MAGI2: variants seen among roughly 807,000 people sequenced by gnomAD.
MAGI2 encodes membrane-associated guanylate kinase, WW and PDZ domain-containing protein 2.
In MAGI2, 35 loss-of-function variants were observed where a neutral mutation model predicts 133.3. The ratio of observed to expected loss-of-function variants is 0.26; its 90% CI spans 0.20 to 0.35. MAGI2 has a LOEUF of 0.35. Ranked by LOEUF, MAGI2 falls within the 10% of genes least tolerant of loss-of-function variation. The probability of loss-of-function intolerance (pLI) is 1.00; values close to 1 mark genes in which losing one functional copy is unlikely to be tolerated. For synonymous variants in MAGI2, 729 were observed against 710.6 expected (o/e 1.03, Z -0.41); for missense variants, 1,636 against 1,863.4 (o/e 0.88, Z 2.25).
intron 2 of MAGI2, among the ~76,000 whole-genome samples, chr7:78,766,311 C>T (rs1188851965): frequency 1.3e-5 from 2 of 152,230 alleles, no homozygotes; most frequent in Non-Finnish European, 2.9e-5. Context: ...CTTAAAGATG[C>T]CTGAACTGCT....
chr7:78,585,967 A>G (rs767222982), intron 3 of MAGI2, among the ~76,000 whole-genome samples: 31 of 152,220 alleles, frequency 2.0e-4, no homozygotes, highest in Non-Finnish European at 3.2e-4. Context: ...TCAATTCGTG[A>G]TAACATTCTG....
intron 2 of MAGI2, among the ~76,000 whole-genome samples, chr7:78,840,069 A>G (rs1275209571): frequency 6.6e-6 from 1 of 152,018 alleles, no homozygotes; most frequent in East Asian, 1.9e-4. Flanking sequence ...TTCAAGTAGT[A>G]ATTTTGTTTA....
At chr7:78,129,173 C>T (rs531633125) in intron 18 of MAGI2, among the ~76,000 whole-genome samples, 18 of 152,124 alleles carry the variant, frequency 1.2e-4, no homozygotes, top group Middle Eastern at 3.4e-3. Context: ...GTAAGAATTT[C>T]CCCCAAAGTA....
chr7:79,225,171 C>T (rs1433094477), intron 1 of MAGI2, among the ~76,000 whole-genome samples: 3 of 152,174 alleles, frequency 2.0e-5, no homozygotes, highest in African/African-American at 7.2e-5. Context: ...AGCTTTTCCA[C>T]CACCTGTGCA....
chr7:79,246,263 C>A (rs1366668285), intron 1 of MAGI2, among the ~76,000 whole-genome samples: 1 of 152,110 alleles, frequency 6.6e-6, no homozygotes, highest in Non-Finnish European at 1.5e-5. Context: ...CCACAAGCAT[C>A]AAGACCACCC....
At chr7:79,172,656 G>C (rs949914535) in intron 1 of MAGI2, among the ~76,000 whole-genome samples, 14 of 151,866 alleles carry the variant, frequency 9.2e-5, no homozygotes. Flanking sequence ...AATTAAAAAG[G>C]TATTTATGTA....
rs114446894 is a variant in MAGI2 at position 79,083,073 on chromosome 7, G to C, written c.302-75867C>G. Among the ~76,000 whole-genome samples, 1,146 of 151,392 alleles carry C rather than the reference G, an allele frequency of 7.6e-3. 19 individuals carry two copies. Among genetic ancestry groups the C allele is most frequent in the African/African-American group, 0.026 (1,089 of 41,368 alleles). ...ACTTGTTATTTCTAATCATGTGTTT[G>C]TGTGTGTGTATTCCTCAGGATTTTC... is the stretch of plus-strand genomic sequence containing the variant. On this transcript the variant is annotated intron_variant, in intron 1 of 21. Transcript: ENST00000354212.
chr7:79,378,434 C>G (rs1843525235), intron 1 of MAGI2, among the ~76,000 whole-genome samples: 1 of 151,508 alleles, frequency 6.6e-6, no homozygotes, highest in Admixed American at 6.6e-5. Flanking sequence ...AGTCATACAA[C>G]TAATAAGCAG....
intron 18 of MAGI2, among the ~76,000 whole-genome samples, chr7:78,127,802 C>A (rs1172268399): frequency 6.6e-6 from 1 of 152,148 alleles, no homozygotes; most frequent in Non-Finnish European, 1.5e-5. Context: ...GTAAACCAAC[C>A]TTCCTCTCTC....
intron 1 of MAGI2, among the ~76,000 whole-genome samples, chr7:79,222,987 C>T (rs1214039136): frequency 2.0e-5 from 3 of 152,026 alleles, no homozygotes; most frequent in Non-Finnish European, 4.4e-5. Context: ...CGGGTTCACG[C>T]CATTCTCCTG....
chr7:79,308,826 A>G (rs1838027584), intron 1 of MAGI2, among the ~76,000 whole-genome samples: 2 of 152,214 alleles, frequency 1.3e-5, no homozygotes, highest in Non-Finnish European at 2.9e-5. Context: ...TTCTTAAGAA[A>G]ATAAGGGTTA....
At chr7:78,659,492 G>C (rs778206348) in intron 2 of MAGI2, among the ~76,000 whole-genome samples, 21 of 129,820 alleles carry the variant, frequency 1.6e-4, no homozygotes, top group Non-Finnish European at 2.6e-4. Context: ...TAAGAATCTA[G>C]ATGAATCACC....
chr7:79,166,869 AG>A (rs1380731973), intron 1 of MAGI2, among the ~76,000 whole-genome samples: 1 of 152,070 alleles, frequency 6.6e-6, no homozygotes, highest in African/African-American at 2.4e-5. Context: ...GGTACAGAAA[AG>A]AAAGATCAGT....
chr7:78,454,241 C>A (rs1789058371), intron 6 of MAGI2, among the ~76,000 whole-genome samples: 1 of 152,124 alleles, frequency 6.6e-6, no homozygotes, highest in African/African-American at 2.4e-5. Flanking sequence ...TTTTTATTAG[C>A]ATTTGCATCA....
intron 9 of MAGI2, among the ~76,000 whole-genome samples, chr7:78,336,225 T>C (rs1025339685): frequency 6.6e-6 from 1 of 152,176 alleles, no homozygotes; most frequent in Non-Finnish European, 1.5e-5. Flanking sequence ...TATACACACA[T>C]GCTTATTGTT....
intron 1 of MAGI2, among the ~76,000 whole-genome samples, chr7:79,308,663 C>T (rs1052730461): frequency 1.3e-5 from 2 of 152,030 alleles, no homozygotes; most frequent in African/African-American, 4.8e-5. Flanking sequence ...AATCATAATA[C>T]CAAGAAGAAC....
intron 3 of MAGI2, among the ~76,000 whole-genome samples, chr7:78,583,770 G>C (rs940904807): frequency 6.6e-6 from 1 of 152,132 alleles, no homozygotes; most frequent in African/African-American, 2.4e-5. Flanking sequence ...ATTAGAATCA[G>C]CAATATTCTA....
chr7:79,033,272 C>A (rs760481995), intron 1 of MAGI2, among the ~76,000 whole-genome samples: 6 of 152,144 alleles, frequency 3.9e-5, no homozygotes, highest in Non-Finnish European at 8.8e-5. Flanking sequence ...TTGATCCAAG[C>A]AAGATATATA....
intron 3 of MAGI2, chr7:78,618,177 T>A (rs1205613415): frequency 6.6e-6 from 1 of 151,992 alleles, no homozygotes; most frequent in Admixed American, 6.6e-5. Flanking sequence ...ATCCAAGACT[T>A]AACATGCAAG....
Sources: gnomAD v4.1 joint callset for allele counts (sites outside exome capture counted in the v4.1 genomes callset) on GRCh38, gnomAD v4.1.1 for gene constraint, MANE v1.5 for transcripts, NCBI Gene and HGNC (gene_info 2026-07-23, HGNC 2026-07-21) for gene names.